Variants in VPS35L observed in about 807,000 individuals in gnomAD.
VPS35L encodes the protein VPS35 endosomal protein sorting factor like.
VPS35L carries 83 observed loss-of-function variants against 133.0 expected under a neutral mutation model. The observed-to-expected ratio is 0.62, with a 90% CI of 0.52 to 0.75. The LOEUF is 0.75. VPS35L is among the 30% of genes least tolerant of loss of function. The probability of loss-of-function intolerance (pLI) is 0.00; values close to 1 mark genes in which losing one functional copy is unlikely to be tolerated. For missense variants in VPS35L, 1,083 were observed against 1,206.8 expected (o/e 0.90, Z 1.52); for synonymous variants, 423 against 449.9 (o/e 0.94, Z 0.76).
intron 27 of VPS35L, among the ~76,000 whole-genome samples, chr16:19,674,184 C>CTTTCTTTTTTTTTTTTTT: frequency 1.4e-5 from 1 of 70,906 alleles, no homozygotes; most frequent in African/African-American, 6.3e-5. Context: ...TTTTCTTTTT[C>CTTTCTTTTTTTTTTTTTT]TTTTTTTTTT....
rs539221695 is a variant in VPS35L, at chr16:19,633,159, A to T, written c.1622A>T (p.Asp541Val). Residue 541 changes from aspartate (D) to valine (V), a missense_variant, in exon 19 of 31, where the codon GAT (aspartate) becomes GTT (valine). By Grantham distance (152) the Asp-to-Val change is radical (BLOSUM62 -3). Transcript: ENST00000417362. The surrounding 1 kb of genome is among the most constrained non-coding windows in gnomAD (Gnocchi z 4.1). ...ATGACTCCAGATCGTGCATTTGAAG[A>T]TTCCTACCCCCAGGTAACAGATTTG... ...KHMTPDRAFE[D>V]SYPQLQLIIK... is the part of the protein sequence containing the mutation. 3 of 1,614,120 alleles carry T rather than the reference A, an allele frequency of 1.9e-6. No individual in the cohort carries two copies. The East Asian group carries it at 6.7e-5, about 36-fold the overall frequency.
chr16:19,603,494 G>T (rs1972450694), intron 9 of VPS35L, among the ~76,000 whole-genome samples: 1 of 152,192 alleles, frequency 6.6e-6, no homozygotes, highest in Non-Finnish European at 1.5e-5. Context: ...TAAAGTACAT[G>T]ATTAAAATTA....
intron 1 of VPS35L, among the ~76,000 whole-genome samples, chr16:19,561,906 G>A (rs573538778): frequency 1.3e-5 from 2 of 152,148 alleles, no homozygotes; most frequent in South Asian, 4.2e-4. Flanking sequence ...AGGAGTTCGG[G>A]GTCAGCTTGG....
At chr16:19,694,875 A>G (rs916958684) in intron 29 of VPS35L, among the ~76,000 whole-genome samples, 2 of 151,936 alleles carry the variant, frequency 1.3e-5, no homozygotes, top group Non-Finnish European at 2.9e-5. Context: ...GCGTGGTGGC[A>G]CATGCCTGTA....
At chr16:19,614,637 C>T (rs1401902326) in intron 12 of VPS35L, among the ~76,000 whole-genome samples, 3 of 152,242 alleles carry the variant, frequency 2.0e-5, no homozygotes, top group African/African-American at 7.2e-5. Flanking sequence ...TCTCAAACTC[C>T]TAACCTCAAG....
At chr16:19,572,245 C>G (rs914121584) in intron 3 of VPS35L, among the ~76,000 whole-genome samples, 2 of 152,106 alleles carry the variant, frequency 1.3e-5, no homozygotes, top group African/African-American at 4.8e-5. Context: ...TGGTGAAACA[C>G]CATCTCTACT....
At chr16:19,588,722 T>C (rs943190135) in intron 7 of VPS35L, among the ~76,000 whole-genome samples, 1 of 151,624 alleles carries the variant, frequency 6.6e-6, no homozygotes, top group Non-Finnish European at 1.5e-5. Context: ...CTTTTTTCAC[T>C]ACATGGACAA....
In VPS35L at chr16:19,669,029, G is replaced by T. The variant is rs546673709; in HGVS notation, c.2222-131G>T. ...CCATCATGGTTTGCAGAAACCTTCT[G>T]CTAGGACCTGCCCTCGGCATGGCCT... On this transcript the variant is annotated intron_variant, in intron 26 of 30. Transcript: ENST00000417362. The T allele has an allele frequency of 8.2e-6, 7 of 850,372 alleles. No homozygotes were observed. In the South Asian group the frequency reaches 1.8e-4, roughly 22 times the overall value. 52.7% of individuals were successfully genotyped at this position (850,372 alleles called of 1,614,324 possible).
At chr16:19,556,393 A>C (rs116729838) in intron 1 of VPS35L, among the ~76,000 whole-genome samples, 1 of 152,160 alleles carries the variant, frequency 6.6e-6, no homozygotes, top group Admixed American at 6.5e-5. Context: ...TGGAGGATGA[A>C]TAGGAGTCCA....
chr16:19,614,232 C>CTATAT (rs1972816247), intron 12 of VPS35L, among the ~76,000 whole-genome samples: 1 of 151,420 alleles, frequency 6.6e-6, no homozygotes, highest in Non-Finnish European at 1.5e-5. Flanking sequence ...TTCTTGTTAG[C>CTATAT]ATATATATAT....
At chr16:19,623,915 C>G (rs1973172429) in intron 14 of VPS35L, among the ~76,000 whole-genome samples, 1 of 149,682 alleles carries the variant, frequency 6.7e-6, no homozygotes, top group East Asian at 2.0e-4. Flanking sequence ...GTGATGCCCC[C>G]ACCTTAGCCT....
chr16:19,651,796 C>T (rs1974134380), intron 25 of VPS35L, among the ~76,000 whole-genome samples, 180 bp from the exon 26 acceptor site: 1 of 152,158 alleles, frequency 6.6e-6, no homozygotes, highest in East Asian at 1.9e-4. Flanking sequence ...ACTCCCCTCA[C>T]ACCCCTGTCC....
At chr16:19,657,557 C>A (rs952643217) in intron 26 of VPS35L, among the ~76,000 whole-genome samples, 4 of 152,148 alleles carry the variant, frequency 2.6e-5, no homozygotes, top group African/African-American at 9.7e-5. Flanking sequence ...GTCTGCTTTT[C>A]CCCCTGTAAG....
At chr16:19,674,184 C>CTTTCTTTT (rs764022611) in intron 27 of VPS35L, among the ~76,000 whole-genome samples, 1 of 70,906 alleles carries the variant, frequency 1.4e-5, no homozygotes, top group African/African-American at 6.3e-5. Context: ...TTTTCTTTTT[C>CTTTCTTTT]TTTTTTTTTT....
In VPS35L at chr16:19,675,548, T is replaced by G. The variant is rs943099310; in HGVS notation, c.2361+6249T>G. ...TTTTTAATTTTTTTAGGAAACTCCA[T>G]ACTGTTTTTGTTTTGTTTTGTTTTG... is the stretch of plus-strand genomic sequence containing the variant. On this transcript the variant is annotated intron_variant, in intron 27 of 30. Coordinates refer to ENST00000417362, the MANE Select transcript of VPS35L (RefSeq NM_020314.7). Among the ~76,000 whole-genome samples, 3 of 152,070 alleles carry G rather than the reference T, an allele frequency of 2.0e-5. No individual in the cohort carries two copies. The East Asian group carries it at 5.8e-4, about 30-fold the overall frequency.
chr16:19,570,880 TATATATA>T (rs1567388847), intron 3 of VPS35L, among the ~76,000 whole-genome samples: 4 of 87,686 alleles, frequency 4.6e-5, no homozygotes, highest in African/African-American at 1.9e-4. Context: ...TATATATATA[TATATATA>T]TATTTTTGAG....
chr16:19,653,684 A>G (rs1478411493), intron 26 of VPS35L, among the ~76,000 whole-genome samples: 1 of 152,218 alleles, frequency 6.6e-6, no homozygotes, highest in Non-Finnish European at 1.5e-5. Flanking sequence ...AACTGCACAG[A>G]TTATGCCAAG....
chr16:19,688,639 TCCAGAGCTCTC>T (rs1043556552), intron 28 of VPS35L, among the ~76,000 whole-genome samples: 13 of 152,280 alleles, frequency 8.5e-5, no homozygotes, highest in African/African-American at 2.6e-4. Context: ...CTGTGTTGGC[TCCAGAGCTCTC>T]CCTTTAGCCT....
intron 5 of VPS35L, among the ~76,000 whole-genome samples, chr16:19,576,937 C>A (rs1320120268): frequency 6.6e-6 from 1 of 152,068 alleles, no homozygotes; most frequent in African/African-American, 2.4e-5. Context: ...AAACTCTTGA[C>A]CTCAAGTGGT....
Sources: gnomAD v4.1 joint callset for allele counts (sites outside exome capture counted in the v4.1 genomes callset) on GRCh38, gnomAD v4.1.1 for gene constraint, Gnocchi (gnomAD v3.1) non-coding constraint, MANE v1.5 for transcripts, NCBI Gene and HGNC (gene_info 2026-07-23, HGNC 2026-07-21) for gene names.